Variants in BDP1 observed in about 807,000 individuals in gnomAD.
The protein encoded by BDP1 is BDP1 general transcription factor IIIB subunit, also known as transcription factor TFIIIB component B'' homolog.
BDP1 carries 169 observed loss-of-function variants against 266.6 expected under a neutral mutation model. That is an observed-to-expected ratio of 0.63 (90% CI 0.56 to 0.72). The LOEUF (loss-of-function observed/expected upper bound fraction) is 0.72. Ranked by LOEUF, BDP1 falls within the 30% of genes least tolerant of loss-of-function variation. The pLI is 0.00. For missense variants in BDP1, 3,015 were observed against 3,053.8 expected (o/e 0.99, Z 0.30); for synonymous variants, 1,090 against 1,022.4 (o/e 1.07, Z -1.26).
chr5:71,573,053 AC>A, the BDP1 span, among the ~76,000 whole-genome samples: 2 of 152,050 alleles, frequency 1.3e-5, no homozygotes, highest in African/African-American at 4.8e-5. Context: ...ACATGGTGAA[AC>A]CCTGTCTCTA....
At chr5:71,532,113 A>T (rs1245011712) in intron 25 of BDP1, among the ~76,000 whole-genome samples, 195 bp from the exon 26 acceptor site, 1 of 152,212 alleles carries the variant, frequency 6.6e-6, no homozygotes, top group Non-Finnish European at 1.5e-5. Flanking sequence ...CACCTCAAAA[A>T]TTTTAAATGT....
rs1580110498 is a variant in BDP1 at position 71,511,082 on chromosome 5, A to G, written c.3990A>G (p.Arg1330=). 1 of 1,614,208 alleles carries G rather than the reference A, an allele frequency of 6.2e-7. No individual in the cohort carries two copies. The highest frequency in any genetic ancestry group is 2.2e-5 in the East Asian group (1 of 44,882). ...AGCTAGAGGAGACCAGTACCTCAAG[A>G]CAAACTGACACACATTTAATGCAGA... ...ENELEETSTS[R]QTDTHLMQSG... Residue 1330 remains arginine (R), a synonymous_variant, in exon 17 of 39, where the codon AGA becomes AGG. Transcript: ENST00000358731.
chr5:71,550,524 ACTC>A (rs1742671419), intron 34 of BDP1, among the ~76,000 whole-genome samples: 1 of 150,582 alleles, frequency 6.6e-6, no homozygotes, highest in South Asian at 2.1e-4. Context: ...CTTGTCTTGA[ACTC>A]CTGGCCTCAT....
rs1416561275 is a variant in BDP1 at position 71,545,025 on chromosome 5, A to G, written c.6564-14A>G. 4 of 1,612,040 alleles carry G rather than the reference A, an allele frequency of 2.5e-6. No individual in the cohort carries two copies. Among genetic ancestry groups the G allele is most frequent in the African/African-American group, 2.7e-5 (2 of 74,820 alleles). On this transcript the variant is annotated splice_polypyrimidine_tract_variant and intron_variant, in intron 31 of 38. Transcript: ENST00000358731. ...CCTGATTTCAAATGACATGCATGCT[A>G]AACTCTCTTTCAGAAACGAAAATCA...
intron 34 of BDP1, among the ~76,000 whole-genome samples, chr5:71,551,830 C>G (rs1397054485): frequency 6.7e-6 from 1 of 148,390 alleles, no homozygotes; most frequent in Non-Finnish European, 1.5e-5. Flanking sequence ...GAGGGGCTCC[C>G]CACTTCCCAG....
chr5:71,559,004 ATTAG>A (rs1468231919), intron 36 of BDP1, among the ~76,000 whole-genome samples: 1 of 151,102 alleles, frequency 6.6e-6, no homozygotes, highest in Non-Finnish European at 1.5e-5. Context: ...AAATACAAAA[ATTAG>A]TTAGGTGTGG....
intron 11 of BDP1, chr5:71,494,862 C>G (rs1235876356): frequency 6.5e-6 from 1 of 153,016 alleles, no homozygotes; most frequent in Non-Finnish European, 1.5e-5. Context: ...CCATGCCCAG[C>G]TAGTTTTTGT....
intron 7 of BDP1, among the ~76,000 whole-genome samples, chr5:71,472,855 C>CT (rs1291430571): frequency 1.5e-5 from 2 of 131,384 alleles, no homozygotes; most frequent in African/African-American, 5.6e-5. Flanking sequence ...TAAATATACT[C>CT]TTTCATTGAT....
chr5:71,514,901 T>C (rs1765139988), intron 19 of BDP1, 43 bp from the exon 20 acceptor site: 4 of 1,384,910 alleles, frequency 2.9e-6, no homozygotes, highest in Non-Finnish European at 4.0e-6. Context: ...TATTTCCTTA[T>C]ACTTTTAGCA....
In BDP1 at chr5:71,491,092, A is replaced by G. The variant is rs1327599961; in HGVS notation, c.1601A>G (p.Glu534Gly). The change falls in exon 11 of 39, where the codon GAA becomes GGA. Residue 534 changes from glutamate to glycine, a missense_variant. This residue lies in a region of BDP1 where 2,383 missense variants were observed against 2,404.9 expected (regional missense o/e 0.99). Transcript: ENST00000358731. ...GGCATTGTGGGTTTTGCCTCCACTG[A>G]AAAAGTTGAGAAAAGAACTGACCCC... ...IDGIVGFASTEKVEKRTDPIL... is the reference protein window; with the variant it reads ...IDGIVGFASTGKVEKRTDPIL... The G allele has an allele frequency of 1.4e-5, 22 of 1,613,910 alleles. No homozygotes were observed. The highest frequency in any genetic ancestry group is 1.9e-5 in the Non-Finnish European group (22 of 1,179,950).
At position 71,501,120 on chromosome 5, in the gene BDP1, C is replaced by T. The variant is rs567100147; in HGVS notation, c.1957-442C>T. ...TCAAAAAAAAAAAAAAAATTCTCAT[C>T]TGCATTTAGGATTTTTAGAAAATCT... On this transcript the variant is annotated intron_variant, in intron 13 of 38. Transcript: ENST00000358731. 4.0e-5 allele frequency among the ~76,000 whole-genome samples: 6 copies of T among 151,722 alleles called. No homozygotes were observed. The South Asian group carries it at 6.2e-4, about 16-fold the overall frequency.
At chr5:71,547,211 G>A (rs1202139640) in intron 32 of BDP1, among the ~76,000 whole-genome samples, 1 of 149,890 alleles carries the variant, frequency 6.7e-6, no homozygotes, top group Non-Finnish European at 1.5e-5. Context: ...CATTGCATTT[G>A]ATTATCCTTT....
chr5:71,491,364 T>C (rs1763580679), intron 11 of BDP1, among the ~76,000 whole-genome samples: 2 of 152,212 alleles, frequency 1.3e-5, no homozygotes, highest in South Asian at 4.1e-4. Flanking sequence ...GCTCTTTTTT[T>C]CTGATGTTTA....
intron 26 of BDP1, among the ~76,000 whole-genome samples, chr5:71,532,896 A>G (rs1766341153): frequency 6.6e-6 from 1 of 152,164 alleles, no homozygotes; most frequent in South Asian, 2.1e-4. Context: ...CATTTTCATC[A>G]CCTCAAAAAG....
chr5:71,489,726 AG>A (rs1232189246), intron 10 of BDP1, 44 bp downstream of exon 10: 2 of 1,497,924 alleles, frequency 1.3e-6, no homozygotes, highest in East Asian at 4.5e-5. Context: ...TTACTTGAGA[AG>A]ACATGTACAG....
intron 25 of BDP1, among the ~76,000 whole-genome samples, chr5:71,525,659 C>T (rs1489871956): frequency 1.7e-5 from 2 of 118,102 alleles, no homozygotes; most frequent in South Asian, 3.2e-4. Context: ...ACCTCCCTTC[C>T]GGACGGGGTG....
Position 71,522,502 on chromosome 5 carries a change from C to CAAAA in BDP1, c.5193+25_5193+28dup. ...AGCTCCTTCTAAAAGTAAGTTTGGGCAAAAAAAAAAAAAAAATTTTTTTTC... is the reference window on the plus strand; with the variant it reads ...AGCTCCTTCTAAAAGTAAGTTTGGGCAAAAAAAAAAAAAAAAAAAATTTTTTTTC... On this transcript the variant is annotated intron_variant, in intron 23 of 38. Coordinates refer to ENST00000358731, the MANE Select transcript of BDP1 (RefSeq NM_018429.3). 4 of 1,433,844 alleles carry CAAAA rather than the reference C, an allele frequency of 2.8e-6. No individual in the cohort carries two copies. The highest frequency in any genetic ancestry group is 3.8e-6 in the Non-Finnish European group (4 of 1,065,116). 88.8% of individuals were successfully genotyped at this position (1,433,844 alleles called of 1,614,324 possible).
intron 26 of BDP1, among the ~76,000 whole-genome samples, chr5:71,535,706 C>T (rs1766555512): frequency 6.6e-6 from 1 of 152,118 alleles, no homozygotes; most frequent in Admixed American, 6.5e-5. Context: ...GAAGAACCAT[C>T]CCATGCCTTT....
chr5:71,552,417 G>GGGC (rs1375839989), intron 34 of BDP1, among the ~76,000 whole-genome samples: 14 of 152,212 alleles, frequency 9.2e-5, no homozygotes, highest in African/African-American at 3.4e-4. Context: ...CCCAGACGAT[G>GGGC]GGCGGCCAGG....
Sources: allele counts gnomAD v4.1 joint callset (sites outside exome capture counted in the v4.1 genomes callset), GRCh38; gene constraint gnomAD v4.1.1; regional missense constraint gnomAD v4.1.1; transcripts MANE v1.5; gene names NCBI Gene and HGNC (gene_info 2026-07-23, HGNC 2026-07-21).